KCNMB2: variants seen among roughly 807,000 people sequenced by gnomAD.
KCNMB2 encodes the protein potassium calcium-activated channel subfamily M regulatory beta subunit 2, also known as calcium-activated potassium channel subunit beta-2.
Under a neutral mutation model 24.5 loss-of-function variants are expected in KCNMB2, and 9 were observed. The observed-to-expected ratio is 0.37, with a 90% CI of 0.22 to 0.64. The LOEUF (loss-of-function observed/expected upper bound fraction) is 0.64, where lower values mean the gene tolerates loss of function less well. Among genes scored for constraint, KCNMB2 ranks in the 30% least tolerant of loss-of-function variants. The pLI, the probability that KCNMB2 is intolerant of heterozygous loss-of-function variation, is 0.63. For missense variants in KCNMB2, 226 were observed against 284.3 expected, an observed-to-expected ratio of 0.79 and a Z score of 1.47; for synonymous variants, 109 against 104.4, an observed-to-expected ratio of 1.04 and a Z score of -0.27.
chr3:178,675,932 T>C (rs1279866985), intron 1 of KCNMB2, among the ~76,000 whole-genome samples: 3 of 152,232 alleles, frequency 2.0e-5, no homozygotes, highest in African/African-American at 7.2e-5. Flanking sequence ...TTAGATACTT[T>C]ATCAACATTA....
At chr3:178,586,538 C>CTTTTTTTTTCT (rs1717439508) in intron 1 of KCNMB2, among the ~76,000 whole-genome samples, 1 of 68,494 alleles carries the variant, frequency 1.5e-5, no homozygotes, top group African/African-American at 5.7e-5. Flanking sequence ...TTTTTTCTTT[C>CTTTTTTTTTCT]TTTTTTTTTT....
chr3:178,630,016 C>T (rs1719258953), intron 1 of KCNMB2, among the ~76,000 whole-genome samples: 1 of 152,160 alleles, frequency 6.6e-6, no homozygotes, highest in Non-Finnish European at 1.5e-5. Flanking sequence ...ACAGTCATGC[C>T]CAATGACAGT....
intron 4 of KCNMB2, among the ~76,000 whole-genome samples, chr3:178,836,983 T>C (rs781740374): frequency 6.6e-6 from 1 of 152,176 alleles, no homozygotes; most frequent in South Asian, 2.1e-4. Context: ...TAACTAAATC[T>C]TCACTCTAAA....
intron 1 of KCNMB2, among the ~76,000 whole-genome samples, chr3:178,592,743 G>A (rs1015075679): frequency 4.6e-5 from 7 of 152,074 alleles, no homozygotes; most frequent in African/African-American, 1.2e-4. Context: ...CATTCTTAAA[G>A]TATGGCACAT....
At chr3:178,614,247 TTATA>T (rs776751246) in intron 1 of KCNMB2, among the ~76,000 whole-genome samples, 944 of 53,276 alleles carry the variant, frequency 0.018, 25 homozygotes, top group African/African-American at 0.041. Context: ...TGGGCTAATT[TTATA>T]TATATATATA....
chr3:178,609,755 C>G (rs1309837832), intron 1 of KCNMB2, among the ~76,000 whole-genome samples: 3 of 151,908 alleles, frequency 2.0e-5, no homozygotes, highest in African/African-American at 4.8e-5. Flanking sequence ...TCCCACCTCA[C>G]CCCCATGAGT....
intron 1 of KCNMB2, among the ~76,000 whole-genome samples, chr3:178,608,797 T>C (rs1718371923): frequency 6.6e-6 from 1 of 152,196 alleles, no homozygotes; most frequent in African/African-American, 2.4e-5. Flanking sequence ...TCCAGTTCTA[T>C]GTTGCTACAA....
intron 1 of KCNMB2, among the ~76,000 whole-genome samples, chr3:178,571,299 G>GACT (rs1716771216): frequency 6.6e-6 from 1 of 150,612 alleles, no homozygotes; most frequent in Admixed American, 6.6e-5. Context: ...TACCACAAGT[G>GACT]ACTCTGTTTT....
Position 178,839,186 on chromosome 3 carries a change from T to TAA in KCNMB2, c.424-3457_424-3456dup, listed in dbSNP as rs66510741. 3.6e-3 allele frequency among the ~76,000 whole-genome samples: 537 copies of TAA among 148,054 alleles called. 7 individuals are homozygous for TAA. Among genetic ancestry groups the TAA allele is most frequent in the African/African-American group, 0.011 (435 of 40,670 alleles). ...GATTTAAATCACTTTTTTCCAAACT[T>TAA]AAAAAAAAAAACCCTCATTATTATA... On this transcript the variant is annotated intron_variant, in intron 4 of 4. Transcript: ENST00000452583.
At chr3:178,680,338 T>G (rs920449216) in intron 1 of KCNMB2, among the ~76,000 whole-genome samples, 1 of 152,104 alleles carries the variant, frequency 6.6e-6, no homozygotes, top group Non-Finnish European at 1.5e-5. Flanking sequence ...AGAAGCACAC[T>G]TTTTCCATGT....
At chr3:178,691,374 T>C (rs1401902522) in intron 1 of KCNMB2, among the ~76,000 whole-genome samples, 2 of 151,852 alleles carry the variant, frequency 1.3e-5, no homozygotes, top group African/African-American at 4.8e-5. Context: ...TTAGTACCCA[T>C]TAGTTATTTT....
intron 1 of KCNMB2, among the ~76,000 whole-genome samples, chr3:178,684,167 T>G (rs150065487): frequency 6.6e-6 from 1 of 152,206 alleles, no homozygotes; most frequent in East Asian, 1.9e-4. Context: ...ACTTATTTAT[T>G]CCTAAAAAAT....
rs926500305 is a variant in KCNMB2, at chr3:178,842,843, G to C, written c.614G>C (p.Cys205Ser). Residue 205 changes from cysteine to serine, a missense_variant, in exon 5 of 5, where the codon TGT becomes TCT. Transcript: ENST00000452583. ...TTCCATTCACTCTTCTGGCCAACCT[G>C]TATGATGGCTGGGGGTGTGGCAATT... Reference protein sequence around the residue: ...VLFHSLFWPTCMMAGGVAIVA... With the variant: ...VLFHSLFWPTSMMAGGVAIVA... 2 of 1,613,770 alleles carry C rather than the reference G, an allele frequency of 1.2e-6. No homozygotes were observed. The highest frequency in any genetic ancestry group is 1.7e-6 in the Non-Finnish European group (2 of 1,179,676).
intron 1 of KCNMB2, among the ~76,000 whole-genome samples, chr3:178,603,387 A>G (rs570688989): frequency 6.6e-6 from 1 of 152,220 alleles, no homozygotes; most frequent in African/African-American, 2.4e-5. Flanking sequence ...AGCTGTAGAA[A>G]TAGCCCAGAG....
intron 1 of KCNMB2, among the ~76,000 whole-genome samples, chr3:178,664,091 C>T (rs1044471190): frequency 6.6e-6 from 1 of 152,096 alleles, no homozygotes; most frequent in African/African-American, 2.4e-5. Flanking sequence ...GTTTACATAG[C>T]ACTTTTACCT....
At chr3:178,667,025 C>T (rs1294760464) in intron 1 of KCNMB2, among the ~76,000 whole-genome samples, 5 of 152,152 alleles carry the variant, frequency 3.3e-5, no homozygotes, top group Non-Finnish European at 7.4e-5. Context: ...GTAAATGCTA[C>T]ATAAATGGTT....
In KCNMB2 at chr3:178,816,182, A is replaced by T. The variant is rs536824918; in HGVS notation, c.56+8717A>T. 1.3e-4 allele frequency among the ~76,000 whole-genome samples: 20 copies of T among 151,868 alleles called. 2 individuals are homozygous for T. In the South Asian group the frequency reaches 3.9e-3, roughly 30 times the overall value. ...ATTTTTAATGATTTATAAGTATTTG[A>T]GTTTTCTATTTATTTCTGAATCAGT... On this transcript the variant is annotated intron_variant, in intron 2 of 4. Coordinates refer to ENST00000452583, the MANE Select transcript of KCNMB2 (RefSeq NM_181361.3).
intron 1 of KCNMB2, among the ~76,000 whole-genome samples, chr3:178,647,876 T>C (rs1719971764): frequency 6.6e-6 from 1 of 152,146 alleles, no homozygotes. Context: ...AAAATAAAGG[T>C]CTCATTTTAA....
intron 1 of KCNMB2, among the ~76,000 whole-genome samples, chr3:178,743,198 C>T (rs1245018833): frequency 6.6e-6 from 1 of 152,130 alleles, no homozygotes; most frequent in East Asian, 1.9e-4. Context: ...ACATCCTCTC[C>T]CCAAAGTTTC....
Sources: gnomAD v4.1 joint callset for allele counts (sites outside exome capture counted in the v4.1 genomes callset) on GRCh38, gnomAD v4.1.1 for gene constraint, MANE v1.5 for transcripts, NCBI Gene and HGNC (gene_info 2026-07-23, HGNC 2026-07-21) for gene names.